The following EFNA5 variants were observed in gnomAD, a reference collection of about 807,000 sequenced individuals.
EFNA5 encodes the protein ephrin A5, also known as ephrin-A5.
In EFNA5, 5 loss-of-function variants were observed where a neutral mutation model predicts 22.9. The observed-to-expected ratio is 0.22, with a 90% CI of 0.11 to 0.46. The LOEUF is 0.46. EFNA5 is among the 20% of genes least tolerant of loss of function. The probability of loss-of-function intolerance (pLI) is 0.99; values close to 1 mark genes in which losing one functional copy is unlikely to be tolerated. For synonymous variants in EFNA5, 113 were observed against 112.2 expected (o/e 1.01, Z -0.04); for missense variants, 237 against 293.3 (o/e 0.81, Z 1.40).
At chr5:107,445,531 C>T (rs152596) in intron 1 of EFNA5, among the ~76,000 whole-genome samples, 41,698 of 151,976 alleles carry the variant, frequency 0.27, 6,171 homozygotes, top group East Asian at 0.53. Context: ...GCCTCAGAGA[C>T]TTGACAATGG....
rs1313011224 is a variant in EFNA5, at chr5:107,378,992, T to C, written c.*2263A>G. ...GACCAACAAGCCTGTAACTATTAAT[T>C]AAAAAAAAAAAAGTATTTCTGCATA... On this transcript the variant is annotated 3_prime_UTR_variant, in exon 5 of 5. Transcript: ENST00000333274. 1 of 145,416 alleles carries C rather than the reference T, an allele frequency of 6.9e-6. No homozygotes were observed. Among genetic ancestry groups the C allele is most frequent in the Non-Finnish European group, 1.5e-5 (1 of 65,810 alleles). 9.0% of individuals were successfully genotyped at this position (145,416 alleles called of 1,614,324 possible). A position where few individuals can be genotyped will look rare whatever the true frequency, so the allele number is the denominator to read the frequency against.
chr5:107,592,105 T>A lies in EFNA5; in HGVS notation c.125+78384A>T, dbSNP rs1249605603. Among the ~76,000 whole-genome samples the A allele has an allele frequency of 1.0e-4, 11 of 105,278 alleles. No individual in the cohort carries two copies. In the East Asian group the frequency reaches 1.5e-3, roughly 15 times the overall value. The allele number at this position is 105,278 out of a possible 152,430, so 69.1% of individuals were successfully genotyped here. On this transcript the variant is annotated intron_variant, in intron 1 of 4. Transcript: ENST00000333274. The stretch of plus-strand genomic sequence containing the variant: ...TATTAATTTTTAATAAAAATATATT[T>A]TATATATATTATATATAGAATATAT...
intron 1 of EFNA5, among the ~76,000 whole-genome samples, chr5:107,529,646 G>C (rs890623887): frequency 1.9e-4 from 29 of 152,192 alleles, no homozygotes; most frequent in African/African-American, 7.0e-4. Flanking sequence ...ACATGATCAA[G>C]TGACCACTTT....
At chr5:107,442,462 C>T (rs1026576178) in intron 1 of EFNA5, among the ~76,000 whole-genome samples, 4 of 152,140 alleles carry the variant, frequency 2.6e-5, no homozygotes, top group Admixed American at 6.5e-5. Flanking sequence ...CAGTGTAGTT[C>T]AAAGCAATCC....
At chr5:107,528,141 T>G (rs1561422907) in intron 1 of EFNA5, among the ~76,000 whole-genome samples, 1 of 152,182 alleles carries the variant, frequency 6.6e-6, no homozygotes, top group African/African-American at 2.4e-5. Flanking sequence ...CTCTGTCATC[T>G]GCAAAATGGG....
At chr5:107,536,630 T>C (rs1320396165) in intron 1 of EFNA5, among the ~76,000 whole-genome samples, 1 of 152,222 alleles carries the variant, frequency 6.6e-6, no homozygotes, top group Non-Finnish European at 1.5e-5. Context: ...GTCCAAATTC[T>C]TAAGGCAGAA....
intron 1 of EFNA5, among the ~76,000 whole-genome samples, chr5:107,524,385 G>A (rs540170085): frequency 3.7e-4 from 56 of 152,234 alleles, no homozygotes; most frequent in Admixed American, 8.5e-4. Context: ...CACAGGTTGA[G>A]TGAGTCACAG....
At chr5:107,643,433 T>C (rs1233942355) in intron 1 of EFNA5, among the ~76,000 whole-genome samples, 1 of 152,142 alleles carries the variant, frequency 6.6e-6, no homozygotes, top group Non-Finnish European at 1.5e-5. Context: ...TTCCTGATCA[T>C]TCAGGCCCGT....
chr5:107,660,250 G>T, intron 1 of EFNA5, among the ~76,000 whole-genome samples: 1 of 104,566 alleles, frequency 9.6e-6, no homozygotes, highest in Admixed American at 1.1e-4. Flanking sequence ...GAACCTCTGA[G>T]ATGGCAAAAA....
chr5:107,592,002 AT>A lies in EFNA5; in HGVS notation c.125+78486del, dbSNP rs1384171477. Among the ~76,000 whole-genome samples, 41 of 45,422 alleles carry A rather than the reference AT, an allele frequency of 9.0e-4. 4 individuals carry two copies. The highest frequency in any genetic ancestry group is 0.015 in the Middle Eastern group (1 of 68). 29.8% of individuals were successfully genotyped at this position (45,422 alleles called of 152,430 possible). On this transcript the variant is annotated intron_variant, in intron 1 of 4. Coordinates refer to ENST00000333274, the MANE Select transcript of EFNA5 (RefSeq NM_001962.3). ...ATATATAATATATAATATATATAAT[AT>A]ATAATATATATAATATAATATATAT...
intron 1 of EFNA5, among the ~76,000 whole-genome samples, chr5:107,590,845 A>G (rs1349841852): frequency 1.3e-5 from 2 of 152,198 alleles, no homozygotes; most frequent in African/African-American, 4.8e-5. Flanking sequence ...TAACTCCTTT[A>G]GTCATCTGGA....
intron 1 of EFNA5, among the ~76,000 whole-genome samples, chr5:107,516,212 T>TGTGTGTG (rs1747476906): frequency 2.2e-5 from 1 of 45,102 alleles, no homozygotes; most frequent in Non-Finnish European, 6.0e-5. Flanking sequence ...GTGTGTGTGT[T>TGTGTGTG]AATTTTTGGA....
chr5:107,611,771 T>G (rs1167979973), intron 1 of EFNA5, among the ~76,000 whole-genome samples: 1 of 152,226 alleles, frequency 6.6e-6, no homozygotes, highest in Non-Finnish European at 1.5e-5. Context: ...AGGGCTCGGA[T>G]GGGCATTTTT....
chr5:107,433,435 AT>A (rs1340499260), intron 1 of EFNA5, among the ~76,000 whole-genome samples: 1 of 152,232 alleles, frequency 6.6e-6, no homozygotes, highest in Non-Finnish European at 1.5e-5. Flanking sequence ...GGAGCATTGG[AT>A]AAAAAGCACG....
chr5:107,611,568 C>T (rs1749819938), intron 1 of EFNA5, among the ~76,000 whole-genome samples: 1 of 152,200 alleles, frequency 6.6e-6, no homozygotes, highest in African/African-American at 2.4e-5. Flanking sequence ...CAGTGACACA[C>T]ATACATCCAG....
At chr5:107,501,848 A>C (rs764474936) in intron 1 of EFNA5, among the ~76,000 whole-genome samples, 7 of 152,250 alleles carry the variant, frequency 4.6e-5, no homozygotes, top group Non-Finnish European at 8.8e-5. Context: ...AAAAACGGCC[A>C]TAAGGTCAAA....
intron 1 of EFNA5, among the ~76,000 whole-genome samples, chr5:107,593,018 A>G (rs1345149947): frequency 6.6e-6 from 1 of 152,250 alleles, no homozygotes; most frequent in African/African-American, 2.4e-5. Flanking sequence ...ATATATTAAA[A>G]GAGATGTGAG....
chr5:107,408,640 T>C (rs17159916), intron 2 of EFNA5, among the ~76,000 whole-genome samples: 3,180 of 152,334 alleles, frequency 0.021, 91 homozygotes, highest in African/African-American at 0.071. Context: ...AGAATTTTAC[T>C]AATACTTGGT....
At chr5:107,510,709 T>C (rs1464270517) in intron 1 of EFNA5, among the ~76,000 whole-genome samples, 3 of 152,258 alleles carry the variant, frequency 2.0e-5, no homozygotes, top group Non-Finnish European at 4.4e-5. Flanking sequence ...AAATAAGTCA[T>C]GAGGTGCTGA....
Sources: gnomAD v4.1 joint callset for allele counts (sites outside exome capture counted in the v4.1 genomes callset) on GRCh38, gnomAD v4.1.1 for gene constraint, MANE v1.5 for transcripts, NCBI Gene and HGNC (gene_info 2026-07-23, HGNC 2026-07-21) for gene names.